PTH2R: variants seen among roughly 807,000 people sequenced by gnomAD.
PTH2R encodes the protein PTH2 receptor.
PTH2R carries 59 observed loss-of-function variants against 60.3 expected under a neutral mutation model. The ratio of observed to expected loss-of-function variants is 0.98; its 90% CI spans 0.79 to 1.22. The LOEUF (loss-of-function observed/expected upper bound fraction) is 1.22. PTH2R is among the 50% of genes most tolerant of loss of function. The pLI, the probability that PTH2R is intolerant of heterozygous loss-of-function variation, is 0.00. For synonymous variants in PTH2R, 256 were observed against 243.8 expected (o/e 1.05, Z -0.47); for missense variants, 749 against 682.6 (o/e 1.10, Z -1.08).
chr2:208,367,665 C>A (rs936664228), intron 1 of PTH2R, among the ~76,000 whole-genome samples: 1 of 152,050 alleles, frequency 6.6e-6, no homozygotes, highest in African/African-American at 2.4e-5. Context: ...CCACTGTGCC[C>A]AGCCTCAAAT....
At position 208,430,291 on chromosome 2, in the gene PTH2R, A is replaced by G. The variant is rs74560113; in HGVS notation, c.178+1988A>G. Among the ~76,000 whole-genome samples the G allele has an allele frequency of 3.6e-3, 546 of 152,158 alleles. 3 individuals are homozygous for G. The highest frequency in any genetic ancestry group is 0.012 in the African/African-American group (511 of 41,546). On this transcript the variant is annotated intron_variant, in intron 2 of 12. Transcript: ENST00000272847. The stretch of plus-strand genomic sequence containing the variant: ...TTATAATTTTTCTTCTTTGAATAAA[A>G]TGTCCTTTATTTATATATTTTTGAA...
At chr2:208,467,927 T>C (rs1310335936) in intron 9 of PTH2R, among the ~76,000 whole-genome samples, 1 of 152,168 alleles carries the variant, frequency 6.6e-6, no homozygotes, top group Non-Finnish European at 1.5e-5. Flanking sequence ...AGGAGGAAAG[T>C]GAAATCTCTT....
chr2:208,414,791 A>C (rs1205824322), intron 1 of PTH2R, among the ~76,000 whole-genome samples: 1 of 152,176 alleles, frequency 6.6e-6, no homozygotes, highest in African/African-American at 2.4e-5. Flanking sequence ...CGAGGTTAAC[A>C]TTAAGAGTGA....
intron 4 of PTH2R, among the ~76,000 whole-genome samples, chr2:208,440,568 T>C (rs1296080290): frequency 2.0e-5 from 3 of 152,058 alleles, no homozygotes; most frequent in East Asian, 3.9e-4. Context: ...TGCCAAGAAA[T>C]CTAAATGAAC....
chr2:208,489,975 C>G (rs940105801), intron 11 of PTH2R, among the ~76,000 whole-genome samples: 1 of 152,218 alleles, frequency 6.6e-6, no homozygotes, highest in Non-Finnish European at 1.5e-5. Flanking sequence ...CTCAAACACA[C>G]TTGAGTATCA....
upstream of PTH2R, among the ~76,000 whole-genome samples, chr2:208,404,638 A>G (rs1208881706): frequency 6.6e-6 from 1 of 152,112 alleles, no homozygotes; most frequent in Admixed American, 6.5e-5. Flanking sequence ...TATTAGTAAT[A>G]ACAACCTTTC....
chr2:208,389,323 C>G (rs7607092), intron 1 of PTH2R, among the ~76,000 whole-genome samples: 137,281 of 151,940 alleles, frequency 0.9, 63,125 homozygotes, highest in Non-Finnish European at 0.98. Context: ...AGCTCTATGG[C>G]TTTATATATC....
intron 9 of PTH2R, among the ~76,000 whole-genome samples, chr2:208,472,014 G>GC (rs1702892975): frequency 6.6e-6 from 1 of 152,162 alleles, no homozygotes; most frequent in Admixed American, 6.5e-5. Flanking sequence ...GGGCCCTGTA[G>GC]CCCCTTTGTT....
intron 1 of PTH2R, among the ~76,000 whole-genome samples, chr2:208,376,915 C>T (rs750488659): frequency 6.6e-6 from 1 of 151,122 alleles, no homozygotes; most frequent in Non-Finnish European, 1.5e-5. Context: ...GGGTGTTTCT[C>T]GCAGAGGGGG....
intron 1 of PTH2R, among the ~76,000 whole-genome samples, chr2:208,380,844 G>C (rs534263898): frequency 6.6e-6 from 1 of 152,188 alleles, no homozygotes; most frequent in African/African-American, 2.4e-5. Context: ...CTGACTGTCA[G>C]TAAGGAAGGT....
In PTH2R at chr2:208,489,005, C is replaced by T. The variant is rs191209969; in HGVS notation, c.1077-7C>T. On this transcript the variant is annotated splice_polypyrimidine_tract_variant and splice_region_variant and intron_variant, in intron 10 of 12. Transcript: ENST00000272847. ...AATGAATGAAAAGACTTGCTGTTCT[C>T]CTTTAGGAAACTGGCCAAATCGACA... 3,369 of 1,613,894 alleles carry T rather than the reference C, an allele frequency of 2.1e-3. 5 individuals are homozygous for T. The highest frequency in any genetic ancestry group is 2.2e-3 in the Non-Finnish European group (2,602 of 1,179,914).
intron 1 of PTH2R, among the ~76,000 whole-genome samples, chr2:208,377,779 G>A (rs934527263): frequency 1.3e-4 from 20 of 151,178 alleles, no homozygotes; most frequent in East Asian, 9.8e-4. Flanking sequence ...CAGACGGGGC[G>A]GCGGGGCAGA....
intron 9 of PTH2R, among the ~76,000 whole-genome samples, chr2:208,471,440 A>T (rs549624466): frequency 3.3e-5 from 5 of 152,348 alleles, no homozygotes; most frequent in Admixed American, 3.3e-4. Flanking sequence ...TGCTCCAGCC[A>T]TGGCTGAAAG....
chr2:208,479,036 A>C (rs1703084260), intron 9 of PTH2R, among the ~76,000 whole-genome samples: 1 of 152,228 alleles, frequency 6.6e-6, no homozygotes, highest in Admixed American at 6.5e-5. Flanking sequence ...TCTCGCATGT[A>C]TCAATATGTG....
rs1701699753 is a variant in PTH2R, at chr2:208,419,093, C to T, written c.76-9108C>T. ...TAGTTCTAGATTCCTGAGCAATCGC[C>T]ATACCAACTTCCACAATGGTTGAAC... On this transcript the variant is annotated intron_variant, in intron 1 of 12. Coordinates refer to ENST00000272847, the MANE Select transcript of PTH2R (RefSeq NM_005048.4). Among the ~76,000 whole-genome samples the T allele has an allele frequency of 2.6e-5, 4 of 152,178 alleles. No individual in the cohort carries two copies. In the South Asian group the frequency reaches 8.3e-4, roughly 31 times the overall value.
At chr2:208,489,197 T>C in intron 11 of PTH2R, 47 bp downstream of exon 11, 1 of 1,611,080 alleles carries the variant, frequency 6.2e-7, no homozygotes, top group Non-Finnish European at 8.5e-7. Context: ...TTGCAGTTTT[T>C]TTTCCTTTTG....
intron 1 of PTH2R, among the ~76,000 whole-genome samples, chr2:208,377,539 C>T (rs71418683): frequency 0.38 from 54,712 of 143,786 alleles, 10,943 homozygotes; most frequent in East Asian, 0.54. Flanking sequence ...GCTGGCCGGG[C>T]GGGGGCTGAC....
At chr2:208,417,301 C>T (rs771374295) in intron 1 of PTH2R, among the ~76,000 whole-genome samples, 4 of 151,920 alleles carry the variant, frequency 2.6e-5, no homozygotes, top group Non-Finnish European at 5.9e-5. Context: ...TCCTGGAAGC[C>T]GAGTAACTAG....
intron 1 of PTH2R, chr2:208,361,033 C>A (rs545463447): frequency 4.6e-6 from 1 of 218,602 alleles, no homozygotes; most frequent in Non-Finnish European, 9.7e-6. Context: ...GTTATTCTCC[C>A]GCTGGAAATA....
Sources: gnomAD v4.1 joint callset for allele counts (sites outside exome capture counted in the v4.1 genomes callset) on GRCh38, gnomAD v4.1.1 for gene constraint, MANE v1.5 for transcripts, NCBI Gene and HGNC (gene_info 2026-07-23, HGNC 2026-07-21) for gene names.